Variants in SLC2A13 observed in about 807,000 individuals in gnomAD.
The protein encoded by SLC2A13 is solute carrier family 2 member 13.
A neutral mutation model predicts 64.4 loss-of-function variants in SLC2A13; 32 were observed. That is an observed-to-expected ratio of 0.50 (90% CI 0.37 to 0.67). The LOEUF (loss-of-function observed/expected upper bound fraction) is 0.67. Among genes scored for constraint, SLC2A13 ranks in the 30% least tolerant of loss-of-function variants. SLC2A13 has a pLI of 0.00. For synonymous variants in SLC2A13, 338 were observed against 327.1 expected, an observed-to-expected ratio of 1.03 and a Z score of -0.36; for missense variants, 743 against 829.2, an observed-to-expected ratio of 0.90 and a Z score of 1.28.
At chr12:39,970,893 AC>A (rs1946635523) in intron 3 of SLC2A13, among the ~76,000 whole-genome samples, 2 of 152,158 alleles carry the variant, frequency 1.3e-5, no homozygotes, top group Non-Finnish European at 2.9e-5. Context: ...CCCTTGAGTG[AC>A]CTTTTTTCCC....
chr12:39,797,282 C>CAGTACATTGAAAAATGTACTGTA (rs1359487354), intron 7 of SLC2A13, among the ~76,000 whole-genome samples: 2 of 152,168 alleles, frequency 1.3e-5, no homozygotes, highest in African/African-American at 4.8e-5. Context: ...ATGTAATTAT[C>CAGTACATTGAAAAATGTACTGTA]TTTAAGTACA....
intron 2 of SLC2A13, among the ~76,000 whole-genome samples, chr12:40,041,119 A>G (rs1948081121): frequency 6.6e-6 from 1 of 152,076 alleles, no homozygotes; most frequent in Non-Finnish European, 1.5e-5. Context: ...CGCCCGGCTA[A>G]TTTTATTTTT....
At chr12:40,072,265 T>C (rs907294278) in intron 1 of SLC2A13, among the ~76,000 whole-genome samples, 3 of 152,124 alleles carry the variant, frequency 2.0e-5, no homozygotes, top group African/African-American at 7.2e-5. Flanking sequence ...AGGACAGTTA[T>C]TATATGATTG....
intron 4 of SLC2A13, chr12:39,950,869 G>A (rs1946216118): frequency 9.0e-6 from 2 of 221,878 alleles, no homozygotes; most frequent in Non-Finnish European, 1.7e-5. Context: ...GCACCAAAAA[G>A]AAATGAATTA....
At chr12:39,975,848 G>A (rs977781817) in intron 3 of SLC2A13, among the ~76,000 whole-genome samples, 7 of 132,726 alleles carry the variant, frequency 5.3e-5, no homozygotes, top group African/African-American at 1.5e-4. Flanking sequence ...GTTCAATAAC[G>A]TATATTTGCT....
At chr12:39,835,021 G>A (rs1359186009) in intron 6 of SLC2A13, among the ~76,000 whole-genome samples, 1 of 152,044 alleles carries the variant, frequency 6.6e-6, no homozygotes, top group Non-Finnish European at 1.5e-5. Context: ...TTTCTTGAAC[G>A]TGGCCTGATG....
intron 3 of SLC2A13, among the ~76,000 whole-genome samples, chr12:40,020,565 T>C (rs563856878): frequency 1.3e-5 from 2 of 152,222 alleles, no homozygotes; most frequent in South Asian, 4.1e-4. Flanking sequence ...AGTGTGAAAA[T>C]AGACTAATAC....
chr12:39,987,320 T>A, intron 3 of SLC2A13, among the ~76,000 whole-genome samples: 1 of 152,236 alleles, frequency 6.6e-6, no homozygotes, highest in South Asian at 2.1e-4. Context: ...AAAATCATGA[T>A]ACATCTATAC....
intron 4 of SLC2A13, among the ~76,000 whole-genome samples, chr12:39,911,819 T>C (rs2136041765): frequency 6.6e-6 from 1 of 152,106 alleles, no homozygotes; most frequent in South Asian, 2.1e-4. Context: ...GTCTAAAAAT[T>C]AGGAGAGAAC....
intron 7 of SLC2A13, among the ~76,000 whole-genome samples, chr12:39,808,498 AT>A (rs1942047599): frequency 6.6e-6 from 1 of 152,152 alleles, no homozygotes; most frequent in African/African-American, 2.4e-5. Context: ...AAAAGATGTG[AT>A]TAACTTCAGA....
chr12:39,815,340 T>G (rs916597782), intron 7 of SLC2A13, among the ~76,000 whole-genome samples: 2 of 152,234 alleles, frequency 1.3e-5, no homozygotes, highest in African/African-American at 2.4e-5. Context: ...TTGTTAACTA[T>G]TGTCATTTCT....
intron 3 of SLC2A13, among the ~76,000 whole-genome samples, chr12:40,017,462 A>C (rs1947638603): frequency 6.6e-6 from 1 of 152,188 alleles, no homozygotes; most frequent in South Asian, 2.1e-4. Context: ...TCATTAATAC[A>C]TCTTCTCTCT....
chr12:40,080,890 G>A lies in SLC2A13; in HGVS notation c.556+24363C>T, dbSNP rs1938370576. Among the ~76,000 whole-genome samples, 4 of 152,202 alleles carry A rather than the reference G, an allele frequency of 2.6e-5. No homozygotes were observed. The South Asian group carries it at 8.3e-4, about 31-fold the overall frequency. ...TGCTTAAGCATCTCTTGTAAAGCAA[G>A]TGTGGTGGTAATGAATTCCCTTAGT... On this transcript the variant is annotated intron_variant, in intron 1 of 9. Coordinates refer to ENST00000280871, the MANE Select transcript of SLC2A13 (RefSeq NM_052885.4).
chr12:39,844,236 C>T (rs763290277), intron 6 of SLC2A13, among the ~76,000 whole-genome samples: 3 of 152,020 alleles, frequency 2.0e-5, no homozygotes, highest in Admixed American at 6.6e-5. Flanking sequence ...ACTAGCTTTT[C>T]TACTTATTGA....
At chr12:39,796,954 G>T (rs1350419811) in intron 7 of SLC2A13, among the ~76,000 whole-genome samples, 1 of 152,070 alleles carries the variant, frequency 6.6e-6, no homozygotes, top group African/African-American at 2.4e-5. Context: ...AAAACATATT[G>T]CCAAATATCC....
intron 1 of SLC2A13, among the ~76,000 whole-genome samples, chr12:40,058,523 G>T (rs1948369185): frequency 6.6e-6 from 1 of 151,936 alleles, no homozygotes; most frequent in African/African-American, 2.4e-5. Context: ...TCTCACTAAA[G>T]ATAAAAGGGA....
chr12:39,930,578 T>G (rs1303903252), intron 4 of SLC2A13, among the ~76,000 whole-genome samples: 1 of 152,086 alleles, frequency 6.6e-6, no homozygotes, highest in Admixed American at 6.5e-5. Flanking sequence ...TTGTTAATAC[T>G]GAAAGAAAAA....
At chr12:39,969,644 G>A (rs902561630) in intron 3 of SLC2A13, among the ~76,000 whole-genome samples, 1 of 152,144 alleles carries the variant, frequency 6.6e-6, no homozygotes, top group East Asian at 1.9e-4. Flanking sequence ...TGTTGATGGG[G>A]TTGTTTGTTT....
intron 6 of SLC2A13, among the ~76,000 whole-genome samples, chr12:39,856,012 T>G (rs1163490019): frequency 6.6e-6 from 1 of 152,184 alleles, no homozygotes; most frequent in African/African-American, 2.4e-5. Flanking sequence ...AGCATGCCCA[T>G]AGAAGGTATT....
Sources: gnomAD v4.1 joint callset for allele counts (sites outside exome capture counted in the v4.1 genomes callset) on GRCh38, gnomAD v4.1.1 for gene constraint, MANE v1.5 for transcripts, NCBI Gene and HGNC (gene_info 2026-07-23, HGNC 2026-07-21) for gene names.